Variants in VWA8 observed in about 807,000 individuals in gnomAD.
The protein encoded by VWA8 is von Willebrand factor A domain containing 8.
A neutral mutation model predicts 241.5 loss-of-function variants in VWA8; 221 were observed. The ratio of observed to expected loss-of-function variants is 0.91; its 90% CI spans 0.82 to 1.02. The LOEUF is 1.02. VWA8 is among the 50% of genes least tolerant of loss of function. VWA8 has a pLI of 0.00. For missense variants in VWA8, 2,322 were observed against 2,328.7 expected, an observed-to-expected ratio of 1.00 and a Z score of 0.06; for synonymous variants, 852 against 827.1, an observed-to-expected ratio of 1.03 and a Z score of -0.52.
intron 24 of VWA8, among the ~76,000 whole-genome samples, chr13:41,726,146 A>G (rs779527099): frequency 1.2e-4 from 18 of 151,988 alleles, no homozygotes; most frequent in Admixed American, 7.9e-4. Flanking sequence ...TTCTATCAGC[A>G]TCAGTAAACT....
Position 41,949,948 on chromosome 13 carries a change from G to T in VWA8, c.229C>A (p.Pro77Thr). ...AAATATTTCTTACTGTAGTTCTGTG[G>T]CACAAGTTCTGGATTCTTAGGAATT... ...LKIPKNPELVPQNYISDSLAQ... is the reference protein window; with the variant it reads ...LKIPKNPELVTQNYISDSLAQ... Residue 77 changes from proline (P) to threonine (T), a missense_variant, in exon 2 of 45, where the codon CCA becomes ACA. Transcript: ENST00000379310. 6.3e-7 allele frequency: 1 copy of T among 1,584,372 alleles called. No individual in the cohort carries two copies. The highest frequency in any genetic ancestry group is 8.6e-7 in the Non-Finnish European group (1 of 1,161,300).
chr13:41,687,141 A>G (rs2045141911), intron 34 of VWA8, among the ~76,000 whole-genome samples: 1 of 152,116 alleles, frequency 6.6e-6, no homozygotes, highest in Non-Finnish European at 1.5e-5. Context: ...CCCAGCCTGT[A>G]GATTGTCTTT....
At chr13:41,812,626 TTTA>T (rs1352363911) in intron 16 of VWA8, among the ~76,000 whole-genome samples, 2 of 152,194 alleles carry the variant, frequency 1.3e-5, no homozygotes, top group African/African-American at 4.8e-5. Context: ...AAAAAAATAA[TTTA>T]TTTATCCTTC....
At chr13:41,936,719 A>G (rs754206031) in intron 2 of VWA8, among the ~76,000 whole-genome samples, 1 of 152,234 alleles carries the variant, frequency 6.6e-6, no homozygotes, top group Non-Finnish European at 1.5e-5. Context: ...AATGTATTGC[A>G]TACTTGAAAA....
At chr13:41,875,527 C>G (rs904910762) in intron 9 of VWA8, among the ~76,000 whole-genome samples, 4 of 152,044 alleles carry the variant, frequency 2.6e-5, no homozygotes, top group Non-Finnish European at 1.5e-5. Context: ...TCAGCTTCAT[C>G]TCCAATTTAA....
At chr13:41,737,634 A>T (rs569706945) in intron 21 of VWA8, among the ~76,000 whole-genome samples, 13 of 152,228 alleles carry the variant, frequency 8.5e-5, no homozygotes, top group Non-Finnish European at 1.8e-4. Context: ...TCTATTGTAC[A>T]ACATGTTGAA....
chr13:41,754,744 G>A (rs186789981), intron 21 of VWA8, among the ~76,000 whole-genome samples: 190 of 151,822 alleles, frequency 1.3e-3, no homozygotes, highest in African/African-American at 4.2e-3. Flanking sequence ...ACTTACTTCC[G>A]CAACACCCCA....
intron 2 of VWA8, among the ~76,000 whole-genome samples, chr13:41,917,520 T>G (rs1189919396): frequency 6.6e-6 from 1 of 152,234 alleles, no homozygotes; most frequent in Non-Finnish European, 1.5e-5. Flanking sequence ...TAATACTTAT[T>G]GAGTATGGTT....
chr13:41,678,812 C>T lies in VWA8; in HGVS notation c.4328-3516G>A, dbSNP rs566849966. 2.0e-5 allele frequency among the ~76,000 whole-genome samples: 3 copies of T among 152,162 alleles called. No individual in the cohort carries two copies. In the East Asian group the frequency reaches 5.8e-4, roughly 29 times the overall value. On this transcript the variant is annotated intron_variant, in intron 35 of 44. Transcript: ENST00000379310. ...AGAATTTTACTCCTGGTATTAAGAA[C>T]TATTTTCATATATCAGAGAAGGGTA...
intron 21 of VWA8, among the ~76,000 whole-genome samples, chr13:41,759,516 C>T (rs1343040840): frequency 1.3e-5 from 2 of 151,460 alleles, no homozygotes; most frequent in Non-Finnish European, 3.0e-5. Context: ...TTTTCTGTCC[C>T]ATTTTTTTCT....
chr13:41,784,703 T>TATATATATATATAC (rs1869072452), intron 18 of VWA8, among the ~76,000 whole-genome samples: 1 of 47,742 alleles, frequency 2.1e-5, no homozygotes, highest in East Asian at 6.8e-4. Flanking sequence ...TATACATATA[T>TATATATATATATAC]ATATATATAT....
chr13:41,650,028 T>C (rs1320194709), intron 37 of VWA8, among the ~76,000 whole-genome samples: 3 of 152,228 alleles, frequency 2.0e-5, no homozygotes, highest in Admixed American at 2.0e-4. Flanking sequence ...TCATTATACA[T>C]ACTCAACAAG....
At chr13:41,760,130 C>T (rs1370775256) in intron 21 of VWA8, among the ~76,000 whole-genome samples, 2 of 151,710 alleles carry the variant, frequency 1.3e-5, no homozygotes, top group Non-Finnish European at 3.0e-5. Context: ...AATGAAGGAA[C>T]TCTGGTAGTT....
At chr13:41,892,260 T>A (rs1874882018) in intron 4 of VWA8, among the ~76,000 whole-genome samples, 4 of 152,068 alleles carry the variant, frequency 2.6e-5, no homozygotes. Flanking sequence ...ATGAAAAAAA[T>A]ATTTTCCTTT....
intron 43 of VWA8, among the ~76,000 whole-genome samples, chr13:41,573,486 A>AAATAAATAAATAAATAT: frequency 8.8e-6 from 1 of 113,614 alleles, no homozygotes; most frequent in African/African-American, 3.4e-5. Context: ...AAAAAAAAAA[A>AAATAAATAAATAAATAT]ATATATATAT....
chr13:41,865,057 A>C (rs2138048630), intron 12 of VWA8, among the ~76,000 whole-genome samples: 1 of 152,236 alleles, frequency 6.6e-6, no homozygotes, highest in Non-Finnish European at 1.5e-5. Flanking sequence ...CACCATTTAA[A>C]AAATAATCTA....
At chr13:41,740,363 T>C (rs1295131771) in intron 21 of VWA8, among the ~76,000 whole-genome samples, 1 of 152,226 alleles carries the variant, frequency 6.6e-6, no homozygotes, top group Admixed American at 6.5e-5. Context: ...TTCCATAATA[T>C]ACCTAGTTTC....
intron 43 of VWA8, among the ~76,000 whole-genome samples, chr13:41,571,696 T>TGCAACCTCCACCTCCCA (rs2044306070): frequency 6.6e-6 from 1 of 152,216 alleles, no homozygotes; most frequent in African/African-American, 2.4e-5. Flanking sequence ...CTCGGCTCGC[T>TGCAACCTCCACCTCCCA]GCAACCTCCA....
rs140544048 is a variant in VWA8, at chr13:41,856,209, A to G, written c.1425+9527T>C. Among the ~76,000 whole-genome samples the G allele has an allele frequency of 2.4e-4, 36 of 152,214 alleles. No homozygotes were observed. The East Asian group carries it at 6.6e-3, about 28-fold the overall frequency. ...AAATTGGCCAGCGGGGGTAGCACAC[A>G]TCTGTAATCCCAGCTACTCGGATGG... On this transcript the variant is annotated intron_variant, in intron 12 of 44. Transcript: ENST00000379310.
Sources: allele counts gnomAD v4.1 joint callset (sites outside exome capture counted in the v4.1 genomes callset), GRCh38; gene constraint gnomAD v4.1.1; transcripts MANE v1.5; gene names NCBI Gene and HGNC (gene_info 2026-07-23, HGNC 2026-07-21).